Variants in PHACTR2 observed in about 807,000 individuals in gnomAD.
PHACTR2 encodes the protein chromosome 6 open reading frame 56.
In PHACTR2, 30 loss-of-function variants were observed where a neutral mutation model predicts 76.0. The observed-to-expected ratio is 0.39, with a 90% CI of 0.30 to 0.54. PHACTR2 has a LOEUF of 0.54. PHACTR2 is among the 20% of genes least tolerant of loss of function. The probability of loss-of-function intolerance (pLI) is 0.61; values close to 1 mark genes in which losing one functional copy is unlikely to be tolerated. For missense variants in PHACTR2, 696 were observed against 781.1 expected (o/e 0.89, Z 1.30); for synonymous variants, 292 against 292.5 (o/e 1.00, Z 0.02).
Position 143,623,634 on chromosome 6 carries a change from C to A in PHACTR2, c.13+15312C>A, listed in dbSNP as rs1776200253. ...CAAATGAGAGAGAAATAATTCTGAA[C>A]TCTTGTTGAAAATCAGTTCATGGGA... is the stretch of plus-strand genomic sequence containing the variant. On this transcript the variant is annotated intron_variant, in intron 1 of 11. Coordinates refer to the PHACTR2 transcript ENST00000305766. This position sits in a 1 kb window ranked among gnomAD's most constrained non-coding sequence, Gnocchi z 5.9. Among the ~76,000 whole-genome samples, 1 of 151,992 alleles carries A rather than the reference C, an allele frequency of 6.6e-6. No individual in the cohort carries two copies. The highest frequency in any genetic ancestry group is 2.4e-5 in the African/African-American group (1 of 41,372).
chr6:143,710,956 G>A lies in PHACTR2; in HGVS notation c.47-1060G>A, dbSNP rs72994429. Reference sequence around the variant, plus strand: ...TATCTATCCAGTTATTATTTTTGACGGACATCAGTACACTTCACCTCTAAA... The same window carrying A: ...TATCTATCCAGTTATTATTTTTGACAGACATCAGTACACTTCACCTCTAAA... On this transcript the variant is annotated intron_variant, in intron 1 of 12. Transcript: ENST00000440869. The surrounding 1 kb of genome is among the most constrained non-coding windows in gnomAD (Gnocchi z 4.9). 1.4e-3 allele frequency: 657 copies of A among 464,478 alleles called. 3 individuals carry two copies. Among genetic ancestry groups the A allele is most frequent in the Non-Finnish European group, 2.1e-3 (493 of 238,500 alleles). 28.8% of individuals were successfully genotyped at this position (464,478 alleles called of 1,614,324 possible).
In PHACTR2 at chr6:143,679,926, A is replaced by C. The variant is rs917646386; in HGVS notation, c.46+1717A>C. Among the ~76,000 whole-genome samples, 4 of 152,222 alleles carry C rather than the reference A, an allele frequency of 2.6e-5. No individual in the cohort carries two copies. The highest frequency in any genetic ancestry group is 4.4e-5 in the Non-Finnish European group (3 of 68,030). ...CGGAACGGTGTTATACTTAAATTGC[A>C]GGTCCTCAGTTTTGCGGATTAAAAG... is the stretch of plus-strand genomic sequence containing the variant. On this transcript the variant is annotated intron_variant, in intron 1 of 12. Coordinates refer to ENST00000440869, the MANE Select transcript of PHACTR2 (RefSeq NM_001100164.2). This position sits in a 1 kb window ranked among gnomAD's most constrained non-coding sequence, Gnocchi z 4.6.
chr6:143,669,857 G>T (rs1353110589), intron 1 of PHACTR2, among the ~76,000 whole-genome samples: 1 of 152,086 alleles, frequency 6.6e-6, no homozygotes, highest in African/African-American at 2.4e-5. Context: ...TACATTTAAG[G>T]TTAATATTGT....
At chr6:143,717,377 T>G (rs1190794360) in intron 2 of PHACTR2, among the ~76,000 whole-genome samples, 1 of 152,244 alleles carries the variant, frequency 6.6e-6, no homozygotes, top group Non-Finnish European at 1.5e-5. Flanking sequence ...CTTGTTTAAG[T>G]GTCTGTCTTA....
chr6:143,749,119 T>C (rs963549091), intron 3 of PHACTR2, 54 bp downstream of exon 3: 30 of 855,536 alleles, frequency 3.5e-5, no homozygotes, highest in Non-Finnish European at 5.5e-5. Context: ...TCTTTGGTTT[T>C]TCTTTTGTTT....
Position 143,624,024 on chromosome 6 carries a change from C to A in PHACTR2, c.13+15702C>A, listed in dbSNP as rs952233403. Among the ~76,000 whole-genome samples, 1 of 151,758 alleles carries A rather than the reference C, an allele frequency of 6.6e-6. No individual in the cohort carries two copies. Among genetic ancestry groups the A allele is most frequent in the African/African-American group, 2.4e-5 (1 of 41,390 alleles). On this transcript the variant is annotated intron_variant, in intron 1 of 11. Coordinates refer to the PHACTR2 transcript ENST00000305766. This position sits in a 1 kb window ranked among gnomAD's most constrained non-coding sequence, Gnocchi z 4.6. ...GCCTCCCCACCCACTCCCCACCCTG[C>A]CCCAGTGTAAGCTATTATTGAACTT...
Position 143,765,858 on chromosome 6 carries a change from G to T in PHACTR2, c.1232+60G>T. ...GAACTAAAGATCACTAATATATTCTGTTGGAAATGAAGCACCGGGTTTGCT... is the reference window on the plus strand; with the variant it reads ...GAACTAAAGATCACTAATATATTCTTTTGGAAATGAAGCACCGGGTTTGCT... On this transcript the variant is annotated intron_variant, in intron 6 of 12. Transcript: ENST00000440869. The surrounding 1 kb of genome is among the most constrained non-coding windows in gnomAD (Gnocchi z 4.1). The T allele has an allele frequency of 1.4e-6, 2 of 1,404,406 alleles. No homozygotes were observed. Among genetic ancestry groups the T allele is most frequent in the Non-Finnish European group, 2.0e-6 (2 of 1,022,276 alleles). 87.0% of individuals were successfully genotyped at this position (1,404,406 alleles called of 1,614,324 possible).
chr6:143,607,471 C>A (rs975789930), upstream of PHACTR2, among the ~76,000 whole-genome samples: 1 of 152,178 alleles, frequency 6.6e-6, no homozygotes, highest in Admixed American at 6.5e-5. Flanking sequence ...GTCAGTCTTT[C>A]CTGATCTTCA....
intron 9 of PHACTR2, among the ~76,000 whole-genome samples, chr6:143,779,487 C>T (rs1775366573): frequency 6.6e-6 from 1 of 151,814 alleles, no homozygotes; most frequent in Non-Finnish European, 1.5e-5. Context: ...GTAGCTGGGA[C>T]TACAGGTGCG....
At chr6:143,669,263 A>G (rs921208043) in intron 1 of PHACTR2, among the ~76,000 whole-genome samples, 1 of 152,100 alleles carries the variant, frequency 6.6e-6, no homozygotes, top group Non-Finnish European at 1.5e-5. Context: ...CTGTTCTTTT[A>G]CATTTGCTGA....
chr6:143,677,557 A>C (rs1298619137), upstream of PHACTR2, among the ~76,000 whole-genome samples: 1 of 152,226 alleles, frequency 6.6e-6, no homozygotes, highest in Non-Finnish European at 1.5e-5. Context: ...GCCGTTTTTA[A>C]AAAATTATAT....
rs956531294 is a variant in PHACTR2 at position 143,575,656 on chromosome 6, T to G, written c.217+38449T>G. 3.3e-5 allele frequency among the ~76,000 whole-genome samples: 5 copies of G among 152,266 alleles called. No homozygotes were observed. The East Asian group carries it at 9.6e-4, about 29-fold the overall frequency. Reference sequence around the variant, plus strand: ...CAGATGTACCTATAAATGTATTGTTTGAATAGTTCTCTCTCGTGAAGTACT... The same window carrying G: ...CAGATGTACCTATAAATGTATTGTTGGAATAGTTCTCTCTCGTGAAGTACT... On this transcript the variant is annotated intron_variant, in intron 1 of 11. Coordinates refer to the PHACTR2 transcript ENST00000367584.
chr6:143,677,685 T>A (rs1777275524), upstream of PHACTR2, among the ~76,000 whole-genome samples: 2 of 152,248 alleles, frequency 1.3e-5, no homozygotes, highest in African/African-American at 4.8e-5. Context: ...CAAATTTTGT[T>A]AAATTAAGTA....
At chr6:143,666,108 A>C (rs912588712) in intron 1 of PHACTR2, among the ~76,000 whole-genome samples, 4 of 149,736 alleles carry the variant, frequency 2.7e-5, no homozygotes, top group African/African-American at 7.4e-5. Flanking sequence ...ACTCCCACTT[A>C]TGAGTGAGAA....
Position 143,537,202 on chromosome 6 carries a change from G to A in PHACTR2, c.212G>A (p.Gly71Asp). ...CGCCCGCTCCGGGTCCACATCTCCG[G>A]CTCAGGTAAGAGCGGCTCGGGGCGC... is the stretch of plus-strand genomic sequence containing the variant. Residue 71 changes from glycine to aspartate, a missense_variant, in exon 1 of 12, where the codon GGC becomes GAC. Transcript: ENST00000367584. The surrounding 1 kb of genome is among the most constrained non-coding windows in gnomAD (Gnocchi z 4.4). 3.5e-6 allele frequency: 1 copy of A among 282,660 alleles called. No individual in the cohort carries two copies. Among genetic ancestry groups the A allele is most frequent in the Non-Finnish European group, 6.9e-6 (1 of 144,890 alleles). The allele number at this position is 282,660 out of a possible 1,614,324, so 17.5% of individuals were successfully genotyped here.
chr6:143,637,742 C>T (rs1215429819), intron 1 of PHACTR2, among the ~76,000 whole-genome samples: 4 of 152,242 alleles, frequency 2.6e-5, no homozygotes, highest in Admixed American at 2.6e-4. Flanking sequence ...TCTTCAAAGC[C>T]AGCAAGGAGA....
chr6:143,748,474 T>C (rs1779117506), intron 2 of PHACTR2, among the ~76,000 whole-genome samples: 1 of 152,206 alleles, frequency 6.6e-6, no homozygotes, highest in South Asian at 2.1e-4. Flanking sequence ...GAAAGAGTTA[T>C]AGAAATATGA....
At chr6:143,746,394 G>A (rs953523289) in intron 2 of PHACTR2, among the ~76,000 whole-genome samples, 3 of 152,170 alleles carry the variant, frequency 2.0e-5, no homozygotes, top group South Asian at 2.1e-4. Flanking sequence ...GCAAAGGGCC[G>A]GTTAGGAAGA....
At chr6:143,634,683 T>C (rs1020159250) in intron 1 of PHACTR2, among the ~76,000 whole-genome samples, 2 of 152,200 alleles carry the variant, frequency 1.3e-5, no homozygotes, top group Admixed American at 1.3e-4. Context: ...GACAATAGTA[T>C]CTGTGTTATA....
Sources: allele counts gnomAD v4.1 joint callset (sites outside exome capture counted in the v4.1 genomes callset), GRCh38; gene constraint gnomAD v4.1.1; non-coding constraint Gnocchi (gnomAD v3.1); transcripts MANE v1.5; gene names NCBI Gene and HGNC (gene_info 2026-07-23, HGNC 2026-07-21).